ADAMTSL1: variants seen among roughly 807,000 people sequenced by gnomAD.
The protein encoded by ADAMTSL1 is ADAMTS like 1, also known as ADAMTS-like protein 1.
In ADAMTSL1, 126 loss-of-function variants were observed where a neutral mutation model predicts 201.8. The ratio of observed to expected loss-of-function variants is 0.62; its 90% CI spans 0.54 to 0.72. The LOEUF is 0.72. Ranked by LOEUF, ADAMTSL1 falls within the 30% of genes least tolerant of loss-of-function variation. The probability of loss-of-function intolerance (pLI) is 0.00; values close to 1 mark genes in which losing one functional copy is unlikely to be tolerated. For missense variants in ADAMTSL1, 2,679 were observed against 2,277.8 expected (o/e 1.18, Z -3.59); for synonymous variants, 1,121 against 903.4 (o/e 1.24, Z -4.32).
At chr9:18,269,237 T>G (rs1832260237) in intron 2 of ADAMTSL1, among the ~76,000 whole-genome samples, 1 of 152,182 alleles carries the variant, frequency 6.6e-6, no homozygotes. Context: ...ATCATTTCTC[T>G]CCAGCTATAC....
chr9:18,894,888 G>A (rs1006311068), intron 26 of ADAMTSL1, among the ~76,000 whole-genome samples: 1 of 152,012 alleles, frequency 6.6e-6, no homozygotes. Flanking sequence ...TAAACTGGGG[G>A]AAAAAGAGGA....
chr9:18,633,604 A>G (rs1046965261), intron 5 of ADAMTSL1, among the ~76,000 whole-genome samples: 17 of 150,802 alleles, frequency 1.1e-4, no homozygotes, highest in African/African-American at 3.4e-4. Flanking sequence ...CAAAAAACAA[A>G]CAAACCAAAG....
intron 2 of ADAMTSL1, among the ~76,000 whole-genome samples, chr9:18,448,510 C>G (rs1820283882): frequency 6.6e-6 from 1 of 152,144 alleles, no homozygotes. Context: ...ATATCGACCA[C>G]AGGCACATTT....
At chr9:18,134,622 G>A (rs1308890165) in intron 1 of ADAMTSL1, among the ~76,000 whole-genome samples, 2 of 152,204 alleles carry the variant, frequency 1.3e-5, no homozygotes, top group Admixed American at 1.3e-4. Context: ...CACTGAAGAA[G>A]TACTGTTCTA....
intron 2 of ADAMTSL1, among the ~76,000 whole-genome samples, chr9:18,297,348 C>T (rs544590420): frequency 6.6e-6 from 1 of 151,630 alleles, no homozygotes; most frequent in Non-Finnish European, 1.5e-5. Context: ...CACCAACTAA[C>T]TTTTTTCTTT....
At chr9:18,080,785 C>T (rs1823465123) in intron 1 of ADAMTSL1, among the ~76,000 whole-genome samples, 1 of 152,190 alleles carries the variant, frequency 6.6e-6, no homozygotes, top group East Asian at 1.9e-4. Flanking sequence ...TTTTCTGGTT[C>T]TAAGTCATTT....
intron 2 of ADAMTSL1, among the ~76,000 whole-genome samples, chr9:18,517,879 G>C (rs1313225928): frequency 6.6e-6 from 1 of 152,122 alleles, no homozygotes; most frequent in Non-Finnish European, 1.5e-5. Context: ...ATTTTAATCA[G>C]GTTTCTTGTA....
intron 1 of ADAMTSL1, among the ~76,000 whole-genome samples, chr9:17,971,701 A>C (rs1346290736): frequency 6.6e-6 from 1 of 151,990 alleles, no homozygotes; most frequent in East Asian, 1.9e-4. Context: ...TTTATTTTAT[A>C]AAATTTAGTT....
At chr9:18,847,431 A>G (rs1225332513) in intron 23 of ADAMTSL1, among the ~76,000 whole-genome samples, 1 of 152,236 alleles carries the variant, frequency 6.6e-6, no homozygotes, top group African/African-American at 2.4e-5. Flanking sequence ...AACTGATGTT[A>G]TAGTAGGAGA....
intron 2 of ADAMTSL1, among the ~76,000 whole-genome samples, chr9:18,338,965 A>C (rs1835357633): frequency 1.3e-5 from 2 of 152,126 alleles, no homozygotes; most frequent in Admixed American, 6.6e-5. Flanking sequence ...CTGTCTTTTT[A>C]TGGCTACATA....
chr9:18,031,038 G>A (rs923498313), intron 1 of ADAMTSL1, among the ~76,000 whole-genome samples: 1 of 151,990 alleles, frequency 6.6e-6, no homozygotes, highest in Non-Finnish European at 1.5e-5. Flanking sequence ...TCTTAAAATG[G>A]CTACGTCATC....
chr9:18,025,604 G>A (rs1051398080), intron 1 of ADAMTSL1, among the ~76,000 whole-genome samples: 2 of 151,972 alleles, frequency 1.3e-5, no homozygotes, highest in African/African-American at 4.8e-5. Context: ...CTGTTCCATT[G>A]GTCTATGTGT....
At chr9:18,371,198 A>G (rs1188149266) in intron 2 of ADAMTSL1, among the ~76,000 whole-genome samples, 2 of 152,158 alleles carry the variant, frequency 1.3e-5, no homozygotes, top group Non-Finnish European at 2.9e-5. Context: ...TTTTTGAGCC[A>G]TATGTGTGTA....
intron 1 of ADAMTSL1, among the ~76,000 whole-genome samples, chr9:17,941,841 G>A (rs1041759160): frequency 6.6e-6 from 1 of 152,060 alleles, no homozygotes; most frequent in African/African-American, 2.4e-5. Flanking sequence ...TAGCAGATTT[G>A]AGGTTTGATG....
chr9:18,031,624 G>C (rs1300498642), intron 1 of ADAMTSL1, among the ~76,000 whole-genome samples: 1 of 152,146 alleles, frequency 6.6e-6, no homozygotes, highest in African/African-American at 2.4e-5. Context: ...AGATGGGAGG[G>C]TGAGAGATAC....
At chr9:18,381,616 C>G (rs1410090019) in intron 2 of ADAMTSL1, among the ~76,000 whole-genome samples, 4 of 151,976 alleles carry the variant, frequency 2.6e-5, no homozygotes, top group African/African-American at 9.7e-5. Flanking sequence ...GAATTTTCTT[C>G]TTTTTCACAG....
intron 4 of ADAMTSL1, among the ~76,000 whole-genome samples, chr9:18,591,161 T>C (rs1343152296): frequency 1.3e-4 from 20 of 152,322 alleles, no homozygotes; most frequent in Admixed American, 1.2e-3. Context: ...TATCTCTCCT[T>C]TTAGATCTGT....
intron 2 of ADAMTSL1, among the ~76,000 whole-genome samples, chr9:18,327,140 G>A (rs764614036): frequency 1.3e-5 from 2 of 152,162 alleles, no homozygotes; most frequent in Non-Finnish European, 2.9e-5. Context: ...GTCATTTTTA[G>A]TTATATGCAG....
At chr9:18,586,553 A>C (rs1211299019) in intron 4 of ADAMTSL1, among the ~76,000 whole-genome samples, 2 of 152,206 alleles carry the variant, frequency 1.3e-5, no homozygotes, top group Non-Finnish European at 2.9e-5. Context: ...TATTCCTATC[A>C]AACTACCAAT....
Sources: gnomAD v4.1 joint callset for allele counts (sites outside exome capture counted in the v4.1 genomes callset) on GRCh38, gnomAD v4.1.1 for gene constraint, MANE v1.5 for transcripts, NCBI Gene and HGNC (gene_info 2026-07-23, HGNC 2026-07-21) for gene names.